DNAH6: variants seen among roughly 807,000 people sequenced by gnomAD.
DNAH6 encodes axonemal beta dynein heavy chain 6.
Under a neutral mutation model 491.4 loss-of-function variants are expected in DNAH6, and 340 were observed. The observed-to-expected ratio is 0.69, with a 90% CI of 0.63 to 0.76. DNAH6 has a LOEUF of 0.76. Among genes scored for constraint, DNAH6 ranks in the 30% least tolerant of loss-of-function variants. The pLI is 0.00. For missense variants in DNAH6, 4,443 were observed against 4,972.2 expected, an observed-to-expected ratio of 0.89 and a Z score of 3.20; for synonymous variants, 1,603 against 1,686.1, an observed-to-expected ratio of 0.95 and a Z score of 1.21.
intron 42 of DNAH6, 47 bp downstream of exon 42, chr2:84,681,575 T>A: frequency 7.0e-7 from 1 of 1,420,706 alleles, no homozygotes; most frequent in Non-Finnish European, 9.3e-7. Context: ...TCCCTACTTT[T>A]CCATTGGCCC....
intron 11 of DNAH6, among the ~76,000 whole-genome samples, chr2:84,563,090 G>T (rs970501981): frequency 2.6e-5 from 4 of 152,120 alleles, no homozygotes; most frequent in Non-Finnish European, 5.9e-5. Context: ...CACTTAAGAC[G>T]CAGCTTTGCT....
intron 60 of DNAH6, among the ~76,000 whole-genome samples, chr2:84,725,643 A>T (rs1266749094): frequency 2.0e-5 from 3 of 152,330 alleles, no homozygotes; most frequent in Non-Finnish European, 1.5e-5. Flanking sequence ...GCCCTAAAAT[A>T]TCTTGGGCTG....
At chr2:84,812,108 C>G (rs894409794) in intron 72 of DNAH6, among the ~76,000 whole-genome samples, 1 of 152,248 alleles carries the variant, frequency 6.6e-6, no homozygotes, top group Non-Finnish European at 1.5e-5. Context: ...CTTCTTTCCA[C>G]TGCACTGGAC....
chr2:84,642,072 AC>A lies in DNAH6; in HGVS notation c.5078+20del. Reference sequence around the variant, plus strand: ...CTGTTCAGGTAAGTTTGTAGACATTACCAAGTAAAGCATGGCTATCACGTAG... The same window carrying A: ...CTGTTCAGGTAAGTTTGTAGACATTACAAGTAAAGCATGGCTATCACGTAG... On this transcript the variant is annotated intron_variant, in intron 33 of 76. Coordinates refer to ENST00000389394, the MANE Select transcript of DNAH6 (RefSeq NM_001370.2). 1 of 1,497,952 alleles carries A rather than the reference AC, an allele frequency of 6.7e-7. No homozygotes were observed. Among genetic ancestry groups the A allele is most frequent in the Non-Finnish European group, 9.1e-7 (1 of 1,100,000 alleles). 92.8% of individuals were successfully genotyped at this position (1,497,952 alleles called of 1,614,324 possible). A position where few individuals can be genotyped will look rare whatever the true frequency, so the allele number is the denominator to read the frequency against.
chr2:84,493,900 A>G, the DNAH6 span, among the ~76,000 whole-genome samples: 1 of 152,174 alleles, frequency 6.6e-6, no homozygotes, highest in African/African-American at 2.4e-5. Context: ...GTTTGAAGAG[A>G]CTGTGACAAC....
At chr2:84,694,939 G>A (rs986302343) in intron 46 of DNAH6, among the ~76,000 whole-genome samples, 5 of 152,114 alleles carry the variant, frequency 3.3e-5, no homozygotes, top group Non-Finnish European at 7.4e-5. Context: ...TAATTCTATA[G>A]CAGAGGACTT....
rs1461033461 is a variant in DNAH6, at chr2:84,583,980, A to C, written c.2230-19A>C. ...TAGGATTCTGCTACATTTAATGAGC[A>C]AACTATGTTTCCATTTAGATTGAAA... On this transcript the variant is annotated intron_variant, in intron 14 of 76. Transcript: ENST00000389394. 7.4e-6 allele frequency: 12 copies of C among 1,610,782 alleles called. No homozygotes were observed. In the East Asian group the frequency reaches 1.1e-4, roughly 15 times the overall value.
At chr2:84,647,123 A>G (rs1558848526) in intron 33 of DNAH6, among the ~76,000 whole-genome samples, 1 of 152,200 alleles carries the variant, frequency 6.6e-6, no homozygotes, top group Non-Finnish European at 1.5e-5. Flanking sequence ...CTGGCATTAC[A>G]GGTGTGAGCC....
intron 61 of DNAH6, among the ~76,000 whole-genome samples, chr2:84,730,799 C>G (rs748825152): frequency 6.6e-6 from 1 of 152,114 alleles, no homozygotes; most frequent in Non-Finnish European, 1.5e-5. Flanking sequence ...TTTGCGCAGA[C>G]CAGTGATTTG....
chr2:84,739,717 A>G (rs559621035), intron 62 of DNAH6, among the ~76,000 whole-genome samples: 26 of 152,294 alleles, frequency 1.7e-4, no homozygotes, highest in South Asian at 8.3e-4. Context: ...TGTTCTTAAT[A>G]TAGCTATGTT....
chr2:84,710,438 T>C, intron 56 of DNAH6, 26 bp downstream of exon 56: 1 of 1,550,256 alleles, frequency 6.5e-7, no homozygotes, highest in Non-Finnish European at 8.7e-7. Context: ...CCTTTTCTCA[T>C]GTCAGTTCCC....
chr2:84,712,215 G>A (rs971066146), intron 56 of DNAH6, among the ~76,000 whole-genome samples: 1 of 152,138 alleles, frequency 6.6e-6, no homozygotes, highest in African/African-American at 2.4e-5. Context: ...ATTTTCAAAT[G>A]AAATAAAATT....
intron 68 of DNAH6, among the ~76,000 whole-genome samples, chr2:84,789,848 C>T (rs1199570149): frequency 6.6e-6 from 1 of 152,024 alleles, no homozygotes; most frequent in African/African-American, 2.4e-5. Context: ...AATTTGGCTC[C>T]CTCTGACTTC....
chr2:84,674,245 C>A (rs1406628163), intron 40 of DNAH6, among the ~76,000 whole-genome samples: 5 of 152,222 alleles, frequency 3.3e-5, no homozygotes, highest in Middle Eastern at 3.4e-3. Flanking sequence ...TGTGACTGGT[C>A]CAAGGTCACA....
chr2:84,506,234 T>C, the DNAH6 span, among the ~76,000 whole-genome samples: 1 of 152,336 alleles, frequency 6.6e-6, no homozygotes, highest in East Asian at 1.9e-4. Context: ...ACCTGTTGTT[T>C]CCTGACTTTT....
chr2:84,489,237 G>A, the DNAH6 span, among the ~76,000 whole-genome samples: 22 of 152,132 alleles, frequency 1.4e-4, no homozygotes, highest in East Asian at 3.7e-3. Flanking sequence ...ATTGCTACCT[G>A]GGGCACATTG....
chr2:84,492,310 A>G, the DNAH6 span, among the ~76,000 whole-genome samples: 5 of 152,166 alleles, frequency 3.3e-5, no homozygotes, highest in Admixed American at 2.6e-4. Context: ...CATTCCAGAG[A>G]ATAAATTTCC....
upstream of DNAH6, among the ~76,000 whole-genome samples, chr2:84,516,007 G>A (rs532010545): frequency 3.3e-5 from 5 of 152,160 alleles, no homozygotes; most frequent in Non-Finnish European, 5.9e-5. Flanking sequence ...AGACACTCGG[G>A]AGGAGGTTGG....
chr2:84,740,972 G>A (rs751960532), intron 62 of DNAH6, among the ~76,000 whole-genome samples: 4 of 152,092 alleles, frequency 2.6e-5, no homozygotes, highest in South Asian at 2.1e-4. Flanking sequence ...TGTGGCCACC[G>A]CTGCCAGGTT....
Sources: allele counts gnomAD v4.1 joint callset (sites outside exome capture counted in the v4.1 genomes callset), GRCh38; gene constraint gnomAD v4.1.1; transcripts MANE v1.5; gene names NCBI Gene and HGNC (gene_info 2026-07-23, HGNC 2026-07-21).